CPD: variants seen among roughly 807,000 people sequenced by gnomAD.
CPD encodes the protein carboxypeptidase D.
In CPD, 69 loss-of-function variants were observed where a neutral mutation model predicts 138.3. The ratio of observed to expected loss-of-function variants is 0.50; its 90% CI spans 0.41 to 0.61. CPD has a LOEUF of 0.61. CPD is among the 20% of genes least tolerant of loss of function. The pLI, the probability that CPD is intolerant of heterozygous loss-of-function variation, is 0.00. For synonymous variants in CPD, 651 were observed against 642.1 expected, an observed-to-expected ratio of 1.01 and a Z score of -0.21; for missense variants, 1,432 against 1,733.3, an observed-to-expected ratio of 0.83 and a Z score of 3.09.
intron 7 of CPD, 36 bp from the exon 8 acceptor site, chr17:30,431,736 A>C (rs750722088): frequency 3.0e-6 from 4 of 1,340,074 alleles, no homozygotes. Flanking sequence ...ATCTTGAAAC[A>C]GACAACATGA....
At position 30,385,191 on chromosome 17, in the gene CPD, T is replaced by C; in HGVS notation, c.949T>C (p.Phe317Leu). 1 of 1,614,046 alleles carries C rather than the reference T, an allele frequency of 6.2e-7. No homozygotes were observed. The highest frequency in any genetic ancestry group is 8.5e-7 in the Non-Finnish European group (1 of 1,179,966). The change falls in exon 2 of 21, where the codon TTC becomes CTC. Residue 317 changes from phenylalanine to leucine, a missense_variant. Transcript: ENST00000225719. The part of the protein sequence containing the change: ...PHCPGDEDET[F>L]KDGITNGAHW... Reference sequence around the variant, plus strand: ...TTGTCCAGGAGATGAAGACGAGACTTTCAAAGATGGAATCACAAACGGCGC... The same window carrying C: ...TTGTCCAGGAGATGAAGACGAGACTCTCAAAGATGGAATCACAAACGGCGC...
At chr17:30,428,641 A>G (rs539935449) in intron 7 of CPD, among the ~76,000 whole-genome samples, 1 of 152,176 alleles carries the variant, frequency 6.6e-6, no homozygotes, top group Non-Finnish European at 1.5e-5. Context: ...TTATATTTTT[A>G]TGAAATTTTT....
Position 30,422,917 on chromosome 17 carries a change from C to A in CPD, c.1551C>A (p.Ala517=), listed in dbSNP as rs1174829851. 1 of 1,613,992 alleles carries A rather than the reference C, an allele frequency of 6.2e-7. No homozygotes were observed. The highest frequency in any genetic ancestry group is 1.7e-5 in the Admixed American group (1 of 60,002). ...TGGAAATCTTCTTGAGAAGGTTTGCCAATGAATATCCTAACATTACCCGGC... is the reference window on the plus strand; with the variant it reads ...TGGAAATCTTCTTGAGAAGGTTTGCAAATGAATATCCTAACATTACCCGGC... ...PDMEIFLRRF[A]NEYPNITRLY... Residue 517 remains alanine, a synonymous_variant, in exon 5 of 21, where the codon GCC becomes GCA. Coordinates refer to ENST00000225719, the MANE Select transcript of CPD (RefSeq NM_001304.5).
rs747921803 is a variant in CPD at position 30,422,682 on chromosome 17, C to A, written c.1316C>A (p.Pro439Gln). Residue 439 changes from proline (P) to glutamine (Q), a missense_variant, in exon 5 of 21, where the codon CCA (proline) becomes CAA (glutamine). Coordinates refer to ENST00000225719, the MANE Select transcript of CPD (RefSeq NM_001304.5). Reference protein sequence around the residue: ...NLTVVLTGYMPLTVTNVVVKE... With the variant: ...NLTVVLTGYMQLTVTNVVVKE... ...TCAAATTTTTTTTTCAGGTATATGC[C>A]ATTGACTGTTACTAATGTAGTGGTG... is the stretch of plus-strand genomic sequence containing the variant. 4 of 1,606,200 alleles carry A rather than the reference C, an allele frequency of 2.5e-6. No individual in the cohort carries two copies. Among genetic ancestry groups the A allele is most frequent in the Non-Finnish European group, 2.6e-6 (3 of 1,176,346 alleles).
At chr17:30,422,283 T>C (rs1261237070) in intron 4 of CPD, among the ~76,000 whole-genome samples, 1 of 152,202 alleles carries the variant, frequency 6.6e-6, no homozygotes, top group African/African-American at 2.4e-5. Context: ...ATCTTGAGCT[T>C]TCCTACTTGA....
intron 2 of CPD, among the ~76,000 whole-genome samples, chr17:30,402,411 CA>C (rs1370947216): frequency 6.6e-6 from 1 of 151,982 alleles, no homozygotes. Flanking sequence ...ACTAAAAATA[CA>C]AAAATTAGCT....
At chr17:30,443,452 A>T (rs1370349520) in intron 10 of CPD, among the ~76,000 whole-genome samples, 2 of 152,136 alleles carry the variant, frequency 1.3e-5, no homozygotes, top group Non-Finnish European at 2.9e-5. Context: ...ATATCTCTTT[A>T]CTATTCTTTG....
intron 8 of CPD, 133 bp from the exon 9 acceptor site, chr17:30,438,842 C>T: frequency 1.9e-6 from 1 of 528,740 alleles, no homozygotes; most frequent in Non-Finnish European, 3.4e-6. Context: ...GCTCATAGCC[C>T]CACCCCACTC....
At chr17:30,434,932 G>A (rs1212313223) in intron 8 of CPD, among the ~76,000 whole-genome samples, 1 of 152,018 alleles carries the variant, frequency 6.6e-6, no homozygotes, top group Non-Finnish European at 1.5e-5. Context: ...GAAAATGATT[G>A]CAGAAAATTA....
At chr17:30,456,610 G>A in intron 17 of CPD, 84 bp downstream of exon 17, 1 of 1,349,034 alleles carries the variant, frequency 7.4e-7, no homozygotes, top group Non-Finnish European at 1.1e-6. Context: ...GGGAGGCCAA[G>A]GCAGGTGGAT....
At position 30,451,761 on chromosome 17, in the gene CPD, G is replaced by A. The variant is rs747497813; in HGVS notation, c.3120G>A (p.Gly1040=). Residue 1040 remains glycine, a synonymous_variant, in exon 14 of 21, where the codon GGG becomes GGA. Transcript: ENST00000225719. ...IVIVPSLNPD[G]RERAQEKDCT... ...TTGTCCCTTCTCTAAATCCAGATGGGCGAGAGAGAGCTCAAGAGAAAGACT... is the reference window on the plus strand; with the variant it reads ...TTGTCCCTTCTCTAAATCCAGATGGACGAGAGAGAGCTCAAGAGAAAGACT... The A allele has an allele frequency of 2.5e-6, 4 of 1,614,010 alleles. No homozygotes were observed. Among genetic ancestry groups the A allele is most frequent in the East Asian group, 4.5e-5 (2 of 44,858 alleles).
In CPD at chr17:30,454,306, G is replaced by C. The variant is rs1331151340; in HGVS notation, c.3206-1033G>C. The C allele has an allele frequency of 2.0e-5, 3 of 153,292 alleles. No homozygotes were observed. The East Asian group carries it at 5.7e-4, about 29-fold the overall frequency. The allele number at this position is 153,292 out of a possible 1,614,324, so 9.5% of individuals were successfully genotyped here. On this transcript the variant is annotated intron_variant, in intron 14 of 20. Transcript: ENST00000225719. ...TGCTGCTTAGAAATTTCTTCCGCCA[G>C]ATACCCTAAATCATCTCTCTCAGAT...
chr17:30,417,060 C>T (rs1449127426), intron 2 of CPD, among the ~76,000 whole-genome samples: 2 of 151,486 alleles, frequency 1.3e-5, no homozygotes, highest in Non-Finnish European at 2.9e-5. Context: ...CGAGATCGCG[C>T]CACTGCACTC....
Position 30,422,664 on chromosome 17 carries a change from T to A in CPD, c.1308-10T>A. 6.4e-7 allele frequency: 1 copy of A among 1,569,558 alleles called. No homozygotes were observed. Among genetic ancestry groups the A allele is most frequent in the African/African-American group, 1.4e-5 (1 of 72,952 alleles). On this transcript the variant is annotated splice_polypyrimidine_tract_variant and intron_variant, in intron 4 of 20. Coordinates refer to ENST00000225719, the MANE Select transcript of CPD (RefSeq NM_001304.5). ...TATAAACCATTTACTTTTTCAAATT[T>A]TTTTTTCAGGTATATGCCATTGACT... is the stretch of plus-strand genomic sequence containing the variant.
chr17:30,454,221 T>C (rs1913234923), intron 14 of CPD: 2 of 152,294 alleles, frequency 1.3e-5, no homozygotes, highest in Admixed American at 1.3e-4. Flanking sequence ...ACTTTTATGC[T>C]TTGCTTCCCT....
chr17:30,386,778 A>G (rs1050911195), intron 2 of CPD, among the ~76,000 whole-genome samples: 2 of 152,236 alleles, frequency 1.3e-5, no homozygotes, highest in Non-Finnish European at 2.9e-5. Flanking sequence ...TGTTGCAGGT[A>G]TCAGAACTTT....
chr17:30,438,767 A>T (rs946181771), intron 8 of CPD, among the ~76,000 whole-genome samples: 5 of 152,202 alleles, frequency 3.3e-5, no homozygotes, highest in African/African-American at 9.6e-5. Flanking sequence ...ATTTTTAAAA[A>T]TAGATAAGTT....
chr17:30,415,568 A>C (rs1044561463), intron 2 of CPD, among the ~76,000 whole-genome samples: 24 of 152,220 alleles, frequency 1.6e-4, no homozygotes, highest in African/African-American at 5.5e-4. Flanking sequence ...CATAACAATA[A>C]AAAACAAATA....
chr17:30,403,668 A>G (rs1004157715), intron 2 of CPD, among the ~76,000 whole-genome samples: 1 of 152,238 alleles, frequency 6.6e-6, no homozygotes, highest in Non-Finnish European at 1.5e-5. Flanking sequence ...ATGATGCAGA[A>G]TAACTAAAAC....
Sources: allele counts gnomAD v4.1 joint callset (sites outside exome capture counted in the v4.1 genomes callset), GRCh38; gene constraint gnomAD v4.1.1; transcripts MANE v1.5; gene names NCBI Gene and HGNC (gene_info 2026-07-23, HGNC 2026-07-21).